The following SERPINB4 variants were observed in gnomAD, a reference collection of about 807,000 sequenced individuals.
The protein encoded by SERPINB4 is serpin B4.
In SERPINB4, 39 loss-of-function variants were observed where a neutral mutation model predicts 33.2. The ratio of observed to expected loss-of-function variants is 1.18; its 90% CI spans 0.91 to 1.53. SERPINB4 has a LOEUF of 1.53. Among genes scored for constraint, SERPINB4 ranks in the 40% most tolerant of loss-of-function variants. The probability of loss-of-function intolerance (pLI) is 0.00; values close to 1 mark genes in which losing one functional copy is unlikely to be tolerated. For missense variants in SERPINB4, 564 were observed against 455.4 expected (o/e 1.24, Z -2.17); for synonymous variants, 191 against 166.4 (o/e 1.15, Z -1.14).
intron 1 of SERPINB4, 118 bp downstream of exon 1, chr18:63,644,091 C>T (rs544974815): frequency 6.5e-6 from 1 of 154,914 alleles, no homozygotes; most frequent in South Asian, 2.0e-4. Context: ...TTTGCTCTGG[C>T]AGAATAAGTA....
intron 3 of SERPINB4, chr18:63,642,866 G>A (rs1257341834): frequency 2.7e-5 from 9 of 331,480 alleles, no homozygotes; most frequent in Admixed American, 2.2e-4. Flanking sequence ...CTGGGACTCC[G>A]AGCAGTTGTG....
In SERPINB4 at chr18:63,641,778, C is replaced by G. The variant is rs746111341; in HGVS notation, c.333G>C (p.Lys111Asn). ...LKIANKLFGE[K>N]TYQFLQEYLD... The stretch of plus-strand genomic sequence containing the variant: ...AAATTACCTGTAAAAATTGATACGT[C>G]TTTTCTCCGAAGAGCTTGTTGGCGA... Residue 111 changes from lysine to asparagine, a missense_variant, in exon 4 of 8, where the codon AAG (lysine) becomes AAC (asparagine). Coordinates refer to ENST00000341074, the MANE Select transcript of SERPINB4 (RefSeq NM_002974.4). 7 of 1,613,338 alleles carry G rather than the reference C, an allele frequency of 4.3e-6. No individual in the cohort carries two copies. Among genetic ancestry groups the G allele is most frequent in the Non-Finnish European group, 5.9e-6 (7 of 1,179,470 alleles).
Position 63,641,409 on chromosome 18 carries a change from C to T in SERPINB4, c.351+351G>A, listed in dbSNP as rs1913125703. 2.0e-5 allele frequency among the ~76,000 whole-genome samples: 3 copies of T among 152,094 alleles called. No individual in the cohort carries two copies. In the South Asian group the frequency reaches 6.2e-4, roughly 32 times the overall value. ...TCTCAGGAACTCACCCAAGCCTGCC[C>T]ATTCCAATAATATCCCATTAGTCAT... On this transcript the variant is annotated intron_variant, in intron 4 of 7. Transcript: ENST00000341074.
At chr18:63,642,664 G>T (rs1221950386) in intron 3 of SERPINB4, among the ~76,000 whole-genome samples, 3 of 151,894 alleles carry the variant, frequency 2.0e-5, no homozygotes, top group South Asian at 2.1e-4. Flanking sequence ...TTATTCCTCT[G>T]AATCTCATTA....
rs1333902962 is a variant in SERPINB4, at chr18:63,641,000, T to A, written c.352-9A>T. ...ATGGCATCTAAATATTCCTTTGAGATATGAAGGAAGAAGTAGGAATTAGGA... is the reference window on the plus strand; with the variant it reads ...ATGGCATCTAAATATTCCTTTGAGAAATGAAGGAAGAAGTAGGAATTAGGA... On this transcript the variant is annotated splice_polypyrimidine_tract_variant and intron_variant, in intron 4 of 7. Coordinates refer to ENST00000341074, the MANE Select transcript of SERPINB4 (RefSeq NM_002974.4). 1.3e-6 allele frequency: 2 copies of A among 1,599,370 alleles called. No individual in the cohort carries two copies. Among genetic ancestry groups the A allele is most frequent in the Non-Finnish European group, 1.7e-6 (2 of 1,167,370 alleles).
Position 63,637,845 on chromosome 18 carries a change from T to A in SERPINB4, c.1047A>T (p.Val349=). 1 of 1,613,504 alleles carries A rather than the reference T, an allele frequency of 6.2e-7. No individual in the cohort carries two copies. The highest frequency in any genetic ancestry group is 8.5e-7 in the Non-Finnish European group (1 of 1,179,714). ...EGVEAAAATA[V]VVVELSSPST... The stretch of plus-strand genomic sequence containing the variant: ...AAGGAGATGATAATTCGACTACTAC[T>A]ACAGCGGTGGCAGCTGCAGCTTCCA... Residue 349 remains valine (V), a synonymous_variant, in exon 8 of 8, where the codon GTA becomes GTT. Coordinates refer to ENST00000341074, the MANE Select transcript of SERPINB4 (RefSeq NM_002974.4).
At chr18:63,638,193 A>T in intron 7 of SERPINB4, 70 bp from the exon 8 acceptor site, 1 of 1,510,906 alleles carries the variant, frequency 6.6e-7, no homozygotes, top group Non-Finnish European at 8.9e-7. Flanking sequence ...CAATGAATTG[A>T]CTATGTGGAG....
intron 3 of SERPINB4, among the ~76,000 whole-genome samples, chr18:63,642,519 G>A (rs1913169500): frequency 1.3e-5 from 2 of 152,032 alleles, no homozygotes; most frequent in South Asian, 4.2e-4. Context: ...ACATAAATTA[G>A]AAGTGCCAAG....
chr18:63,641,990 T>C, intron 3 of SERPINB4, 102 bp from the exon 4 acceptor site: 3 of 1,507,582 alleles, frequency 2.0e-6, no homozygotes, highest in South Asian at 2.4e-5. Context: ...GGTAGTCTCA[T>C]TGAGGACCTT....
chr18:63,643,766 T>C (rs568629231), intron 1 of SERPINB4, among the ~76,000 whole-genome samples, 163 bp from the exon 2 acceptor site: 1 of 152,140 alleles, frequency 6.6e-6, no homozygotes, highest in African/African-American at 2.4e-5. Context: ...GTGCATATAT[T>C]AAATATATTA....
At chr18:63,642,967 G>A in intron 3 of SERPINB4, 194 bp downstream of exon 3, 1 of 660,776 alleles carries the variant, frequency 1.5e-6, no homozygotes, top group East Asian at 2.8e-5. Context: ...GTACAGTGCT[G>A]ACTGTCTTTT....
intron 6 of SERPINB4, 55 bp from the exon 7 acceptor site, chr18:63,639,395 A>T (rs1470454698): frequency 1.1e-5 from 17 of 1,516,172 alleles, no homozygotes; most frequent in Non-Finnish European, 1.4e-5. Flanking sequence ...GACAAAAAAG[A>T]TAATATTATT....
chr18:63,643,356 A>C, intron 2 of SERPINB4, 57 bp downstream of exon 2: 2 of 1,611,172 alleles, frequency 1.2e-6, no homozygotes, highest in Non-Finnish European at 1.7e-6. Flanking sequence ...TCTGCGTGCT[A>C]GCCGACGGAA....
At position 63,643,409 on chromosome 18, in the gene SERPINB4, C is replaced by T; in HGVS notation, c.165+4G>A. On this transcript the variant is annotated splice_donor_region_variant and intron_variant, in intron 2 of 7. Coordinates refer to ENST00000341074, the MANE Select transcript of SERPINB4 (RefSeq NM_002974.4). ...CAGGACAACGTAATGATGCTGATAG[C>T]TACCTTGCTAATTTGTTGTGCAGTG... is the stretch of plus-strand genomic sequence containing the variant. 3 of 1,613,624 alleles carry T rather than the reference C, an allele frequency of 1.9e-6. No individual in the cohort carries two copies. The highest frequency in any genetic ancestry group is 2.5e-6 in the Non-Finnish European group (3 of 1,179,676).
At chr18:63,638,867 C>T (rs2687471) in intron 7 of SERPINB4, among the ~76,000 whole-genome samples, 24,599 of 149,542 alleles carry the variant, frequency 0.16, 2,374 homozygotes, top group Middle Eastern at 0.22. Context: ...CGCTAAATGA[C>T]GAGTTAATGG....
chr18:63,639,899 G>T (rs1463961339), intron 5 of SERPINB4, 123 bp from the exon 6 acceptor site: 2 of 904,818 alleles, frequency 2.2e-6, no homozygotes, highest in Non-Finnish European at 1.7e-6. Context: ...GAGACTCACT[G>T]ACTTTGATCT....
intron 3 of SERPINB4, among the ~76,000 whole-genome samples, chr18:63,642,179 G>C (rs1398277232): frequency 6.6e-6 from 1 of 152,098 alleles, no homozygotes; most frequent in Non-Finnish European, 1.5e-5. Flanking sequence ...TAAAGGGTTA[G>C]GTTTAGCTTC....
At chr18:63,642,528 A>C (rs939835678) in intron 3 of SERPINB4, among the ~76,000 whole-genome samples, 7 of 152,118 alleles carry the variant, frequency 4.6e-5, no homozygotes, top group African/African-American at 1.4e-4. Flanking sequence ...AGAAGTGCCA[A>C]GTTTTGAACC....
At chr18:63,641,450 A>G (rs1336231595) in intron 4 of SERPINB4, among the ~76,000 whole-genome samples, 6 of 152,050 alleles carry the variant, frequency 3.9e-5, no homozygotes, top group Admixed American at 1.3e-4. Context: ...TCCCACCAAG[A>G]TGTATCGTAT....
Sources: allele counts gnomAD v4.1 joint callset (sites outside exome capture counted in the v4.1 genomes callset), GRCh38; gene constraint gnomAD v4.1.1; transcripts MANE v1.5; gene names NCBI Gene and HGNC (gene_info 2026-07-23, HGNC 2026-07-21).